ZNF346: variants seen among roughly 807,000 people sequenced by gnomAD.
ZNF346 encodes double-stranded RNA-binding zinc finger protein JAZ.
In ZNF346, 23 loss-of-function variants were observed where a neutral mutation model predicts 33.7. The observed-to-expected ratio is 0.68, with a 90% CI of 0.49 to 0.97. The LOEUF is 0.97. ZNF346 is among the 50% of genes least tolerant of loss of function. The pLI is 0.00. For synonymous variants in ZNF346, 134 were observed against 142.4 expected (o/e 0.94, Z 0.42); for missense variants, 340 against 371.1 (o/e 0.92, Z 0.69).
At chr5:177,035,006 T>A (rs1778272961) in intron 1 of ZNF346, among the ~76,000 whole-genome samples, 1 of 145,728 alleles carries the variant, frequency 6.9e-6, no homozygotes, top group Middle Eastern at 3.5e-3. Flanking sequence ...ATTTTCTTTT[T>A]CTTTTCTTTT....
rs1450946108 is a variant in ZNF346 at position 177,022,746 on chromosome 5, A to G, written c.8A>G (p.Tyr3Cys). ...TGAGGGTTTGCGGGGAAGATGGAGTATCCCGCGCCGGCCACGGTGCAGGCC... is the reference window on the plus strand; with the variant it reads ...TGAGGGTTTGCGGGGAAGATGGAGTGTCCCGCGCCGGCCACGGTGCAGGCC... ME[Y>C]PAPATVQAAD... Residue 3 changes from tyrosine (Y) to cysteine (C), a missense_variant, in exon 1 of 7, where the codon TAT (tyrosine) becomes TGT (cysteine). Coordinates refer to ENST00000358149, the MANE Select transcript of ZNF346 (RefSeq NM_012279.4). The G allele has an allele frequency of 1.9e-6, 3 of 1,553,798 alleles. No homozygotes were observed. Among genetic ancestry groups the G allele is most frequent in the Non-Finnish European group, 2.6e-6 (3 of 1,153,914 alleles).
At chr5:177,055,565 A>G (rs1781560753) in intron 5 of ZNF346, among the ~76,000 whole-genome samples, 1 of 152,156 alleles carries the variant, frequency 6.6e-6, no homozygotes, top group Admixed American at 6.5e-5. Flanking sequence ...ATTTCTTAAC[A>G]TAAATTTGGC....
chr5:177,070,786 G>A (rs185517541), downstream of ZNF346, among the ~76,000 whole-genome samples: 1 of 151,868 alleles, frequency 6.6e-6, no homozygotes, highest in Non-Finnish European at 1.5e-5. Context: ...TGACTGAGGC[G>A]GGGGGAAAAG....
At chr5:177,034,741 A>G (rs896224028) in intron 1 of ZNF346, among the ~76,000 whole-genome samples, 3 of 152,256 alleles carry the variant, frequency 2.0e-5, no homozygotes, top group Non-Finnish European at 4.4e-5. Flanking sequence ...GCAGAAATGC[A>G]GTAAAGACCA....
chr5:177,059,738 T>TA (rs1353030913), intron 5 of ZNF346, among the ~76,000 whole-genome samples: 6 of 152,366 alleles, frequency 3.9e-5, no homozygotes, highest in Non-Finnish European at 5.9e-5. Flanking sequence ...TTTCAAGTCT[T>TA]ACTAAATTCA....
chr5:177,036,969 A>G lies in ZNF346; in HGVS notation c.176-4157A>G, dbSNP rs114128718. 9.8e-3 allele frequency among the ~76,000 whole-genome samples: 1,456 copies of G among 147,894 alleles called. 27 individuals carry two copies. Among genetic ancestry groups the G allele is most frequent in the African/African-American group, 0.034 (1,371 of 40,798 alleles). On this transcript the variant is annotated intron_variant, in intron 1 of 6. Transcript: ENST00000358149. ...TTTGTTTGTTTTTCCCCATCTGGGGAAAAAAAAAAGCCGCTGATTCCTACT... is the reference window on the plus strand; with the variant it reads ...TTTGTTTGTTTTTCCCCATCTGGGGGAAAAAAAAAGCCGCTGATTCCTACT...
At chr5:177,037,041 G>T (rs757615789) in intron 1 of ZNF346, among the ~76,000 whole-genome samples, 1 of 152,112 alleles carries the variant, frequency 6.6e-6, no homozygotes, top group Non-Finnish European at 1.5e-5. Context: ...AATTGCTCTC[G>T]GATTGTTAAG....
chr5:177,041,681 G>C, intron 2 of ZNF346, 97 bp from the exon 3 acceptor site: 1 of 786,460 alleles, frequency 1.3e-6, no homozygotes, highest in Non-Finnish European at 2.1e-6. Context: ...AACTTTTTGT[G>C]AGGATGAATC....
downstream of ZNF346, among the ~76,000 whole-genome samples, chr5:177,070,381 C>T (rs952663673): frequency 6.6e-6 from 1 of 152,120 alleles, no homozygotes; most frequent in Non-Finnish European, 1.5e-5. Flanking sequence ...ACCCACAATA[C>T]AGCAGGCAAG....
intron 1 of ZNF346, among the ~76,000 whole-genome samples, chr5:177,038,055 T>G (rs1778761110): frequency 6.6e-6 from 1 of 152,050 alleles, no homozygotes; most frequent in South Asian, 2.1e-4. Context: ...CCTGTAAGCC[T>G]TGTGGCTGAC....
chr5:177,025,483 TC>T (rs1776627088), intron 1 of ZNF346, among the ~76,000 whole-genome samples: 1 of 152,194 alleles, frequency 6.6e-6, no homozygotes, highest in African/African-American at 2.4e-5. Flanking sequence ...CAAACTGTTT[TC>T]CAAAATGGCT....
At chr5:177,035,806 C>T (rs1000371845) in intron 1 of ZNF346, among the ~76,000 whole-genome samples, 2 of 151,800 alleles carry the variant, frequency 1.3e-5, no homozygotes, top group African/African-American at 4.8e-5. Context: ...TGGGGCTAAA[C>T]TTTTTTGTAT....
chr5:177,048,726 T>C (rs1780438295), intron 4 of ZNF346, among the ~76,000 whole-genome samples: 1 of 152,198 alleles, frequency 6.6e-6, no homozygotes, highest in Non-Finnish European at 1.5e-5. Flanking sequence ...TTGTTGTTGT[T>C]CTATAAAATT....
chr5:177,023,253 CCCTCACCACT>C (rs1264361427), intron 1 of ZNF346: 1 of 1,506,824 alleles, frequency 6.6e-7, no homozygotes, highest in Non-Finnish European at 8.9e-7. Flanking sequence ...AGCCGAGTGC[CCCTCACCACT>C]CCTTGACTCC....
intron 1 of ZNF346, among the ~76,000 whole-genome samples, chr5:177,027,112 G>A (rs776101521): frequency 1.3e-5 from 2 of 152,042 alleles, no homozygotes; most frequent in Non-Finnish European, 2.9e-5. Context: ...GAGTGCAGTG[G>A]TGTGATCTCG....
intron 1 of ZNF346, among the ~76,000 whole-genome samples, chr5:177,038,052 G>A (rs894019224): frequency 1.3e-5 from 2 of 150,696 alleles, no homozygotes; most frequent in Non-Finnish European, 3.0e-5. Context: ...TTTCCTGTAA[G>A]CCTTGTGGCT....
intron 5 of ZNF346, among the ~76,000 whole-genome samples, chr5:177,056,895 C>T (rs1156810739): frequency 6.6e-6 from 1 of 151,904 alleles, no homozygotes; most frequent in Non-Finnish European, 1.5e-5. Context: ...GCACATGTAC[C>T]CTAGAACTTA....
intron 1 of ZNF346, among the ~76,000 whole-genome samples, chr5:177,032,473 C>T (rs565362799): frequency 1.3e-5 from 2 of 151,832 alleles, no homozygotes; most frequent in Admixed American, 1.3e-4. Context: ...TGCAATGGCA[C>T]AATCTCAGTT....
Position 177,035,429 on chromosome 5 carries a change from G to C in ZNF346, c.176-5697G>C, listed in dbSNP as rs182910941. ...GTGCAGATATCATGGCAAAAAGGAT[G>C]TGTAGTCAGGCTGCCATCTCAGAAT... On this transcript the variant is annotated intron_variant, in intron 1 of 6. Transcript: ENST00000358149. 1.4e-3 allele frequency among the ~76,000 whole-genome samples: 213 copies of C among 151,966 alleles called. 3 individuals are homozygous for C. The highest frequency in any genetic ancestry group is 0.012 in the Admixed American group (187 of 15,240).
Sources: gnomAD v4.1 joint callset for allele counts (sites outside exome capture counted in the v4.1 genomes callset) on GRCh38, gnomAD v4.1.1 for gene constraint, MANE v1.5 for transcripts, NCBI Gene and HGNC (gene_info 2026-07-23, HGNC 2026-07-21) for gene names.